DGKI: variants seen among roughly 807,000 people sequenced by gnomAD.
DGKI encodes the protein DAG kinase iota.
DGKI carries 55 observed loss-of-function variants against 147.5 expected under a neutral mutation model. That is an observed-to-expected ratio of 0.37 (90% confidence interval 0.30 to 0.47). The LOEUF is 0.47. DGKI is among the 20% of genes least tolerant of loss of function. The pLI is 1.00. For synonymous variants in DGKI, 469 were observed against 477.1 expected (o/e 0.98, Z 0.22); for missense variants, 1,007 against 1,323.8 (o/e 0.76, Z 3.71).
chr7:137,467,302 C>T (rs957328786), intron 24 of DGKI, among the ~76,000 whole-genome samples: 1 of 152,254 alleles, frequency 6.6e-6, no homozygotes, highest in African/African-American at 2.4e-5. Context: ...CTTATACAGA[C>T]TATCTTCACA....
intron 3 of DGKI, among the ~76,000 whole-genome samples, chr7:137,661,451 C>A (rs752881327): frequency 6.6e-6 from 1 of 151,914 alleles, no homozygotes; most frequent in Non-Finnish European, 1.5e-5. Flanking sequence ...ACTGTGAGTG[C>A]ATAAGGGGGC....
intron 19 of DGKI, among the ~76,000 whole-genome samples, chr7:137,555,205 T>C (rs548650796): frequency 5.1e-4 from 77 of 150,684 alleles, no homozygotes; most frequent in Admixed American, 1.9e-3. Context: ...TGAGCCACTG[T>C]GCCTGGCCAA....
intron 12 of DGKI, among the ~76,000 whole-genome samples, chr7:137,588,453 C>T (rs887074504): frequency 1.7e-4 from 25 of 146,932 alleles, no homozygotes; most frequent in African/African-American, 5.6e-4. Context: ...TTCACAGTAA[C>T]ACAAAGATGG....
intron 1 of DGKI, among the ~76,000 whole-genome samples, chr7:137,712,878 G>A (rs935775740): frequency 6.6e-6 from 1 of 152,060 alleles, no homozygotes. Context: ...AGACTTTCAG[G>A]GTTAGCAAAT....
At chr7:137,534,842 A>T (rs1314960264) in intron 20 of DGKI, among the ~76,000 whole-genome samples, 1 of 152,152 alleles carries the variant, frequency 6.6e-6, no homozygotes, top group Non-Finnish European at 1.5e-5. Flanking sequence ...TCAGAATGTG[A>T]CTGTATTTGG....
chr7:137,754,502 C>T (rs1454673318), intron 1 of DGKI, among the ~76,000 whole-genome samples: 1 of 152,164 alleles, frequency 6.6e-6, no homozygotes, highest in East Asian at 1.9e-4. Flanking sequence ...CAGCCAGATG[C>T]AGCAAGGGAC....
intron 12 of DGKI, among the ~76,000 whole-genome samples, chr7:137,588,470 C>T (rs1295397383): frequency 1.5e-5 from 2 of 134,926 alleles, no homozygotes; most frequent in East Asian, 2.0e-4. Flanking sequence ...ATGGACATAC[C>T]GATGCTTTTT....
At chr7:137,662,139 G>C (rs925331925) in intron 3 of DGKI, among the ~76,000 whole-genome samples, 1 of 151,948 alleles carries the variant, frequency 6.6e-6, no homozygotes, top group African/African-American at 2.4e-5. Flanking sequence ...GCCAAAGCCC[G>C]ACCTCCACCA....
chr7:137,474,801 G>T (rs1041279379), intron 23 of DGKI, among the ~76,000 whole-genome samples: 1 of 152,130 alleles, frequency 6.6e-6, no homozygotes, highest in Non-Finnish European at 1.5e-5. Flanking sequence ...CAGAGGCGGC[G>T]GAAGGCTGAT....
At chr7:137,690,189 C>T (rs1823558514) in intron 1 of DGKI, among the ~76,000 whole-genome samples, 187 bp from the exon 2 acceptor site, 1 of 152,064 alleles carries the variant, frequency 6.6e-6, no homozygotes. Context: ...GGTGGCAGGT[C>T]CCAAAAGACA....
chr7:137,502,553 A>G (rs1816214476), intron 21 of DGKI, among the ~76,000 whole-genome samples: 1 of 151,914 alleles, frequency 6.6e-6, no homozygotes. Flanking sequence ...AGAGGAGGAG[A>G]AAGGGGAAGG....
At chr7:137,530,252 T>C (rs1817293193) in intron 20 of DGKI, among the ~76,000 whole-genome samples, 1 of 152,228 alleles carries the variant, frequency 6.6e-6, no homozygotes, top group African/African-American at 2.4e-5. Context: ...CCCTGCTGCC[T>C]GAAGCTCTTT....
At chr7:137,640,988 C>T (rs894186635) in intron 6 of DGKI, among the ~76,000 whole-genome samples, 4 of 152,154 alleles carry the variant, frequency 2.6e-5, no homozygotes, top group Admixed American at 2.6e-4. Context: ...CAAATCTCAT[C>T]TTGAATTGTA....
chr7:137,552,752 T>TCC (rs777780004), intron 19 of DGKI, among the ~76,000 whole-genome samples, 184 bp from the exon 20 acceptor site: 1 of 121,238 alleles, frequency 8.2e-6, no homozygotes, highest in Non-Finnish European at 1.8e-5. Flanking sequence ...CTACTAAAAA[T>TCC]ACAAAAAAAA....
chr7:137,502,412 G>T (rs1444326624), intron 21 of DGKI, among the ~76,000 whole-genome samples: 37 of 151,982 alleles, frequency 2.4e-4, no homozygotes, highest in Non-Finnish European at 2.9e-5. Context: ...GATAAATTTA[G>T]GGAGGGGTGG....
intron 21 of DGKI, among the ~76,000 whole-genome samples, chr7:137,489,652 T>C (rs890331841): frequency 6.6e-6 from 1 of 152,144 alleles, no homozygotes; most frequent in Non-Finnish European, 1.5e-5. Flanking sequence ...AGTTGGAATT[T>C]TGACATAGAT....
chr7:137,679,392 G>C (rs751987074), intron 2 of DGKI, among the ~76,000 whole-genome samples: 69 of 150,946 alleles, frequency 4.6e-4, no homozygotes, highest in Admixed American at 2.7e-3. Flanking sequence ...TGGGGAAAGG[G>C]GGAAGCAAAC....
intron 27 of DGKI, 121 bp from the exon 28 acceptor site, chr7:137,444,223 G>A (rs1239514065): frequency 1.6e-6 from 1 of 607,500 alleles, no homozygotes; most frequent in Non-Finnish European, 2.8e-6. Flanking sequence ...ATAGTAGACA[G>A]TGTAATTAAT....
chr7:137,554,413 T>A (rs1043345732), intron 19 of DGKI, among the ~76,000 whole-genome samples: 1 of 152,222 alleles, frequency 6.6e-6, no homozygotes, highest in Admixed American at 6.5e-5. Flanking sequence ...CGCTGTCTAT[T>A]TAACCTAGCA....
Sources: allele counts gnomAD v4.1 joint callset (sites outside exome capture counted in the v4.1 genomes callset), GRCh38; gene constraint gnomAD v4.1.1; transcripts MANE v1.5; gene names NCBI Gene and HGNC (gene_info 2026-07-23, HGNC 2026-07-21).